Variants in ACOX1 observed in about 807,000 individuals in gnomAD.
ACOX1 encodes peroxisomal acyl-coenzyme A oxidase 1.
Under a neutral mutation model 75.5 loss-of-function variants are expected in ACOX1, and 41 were observed. The observed-to-expected ratio is 0.54, with a 90% confidence interval of 0.42 to 0.70. The LOEUF (loss-of-function observed/expected upper bound fraction) is 0.70, where lower values mean the gene tolerates loss of function less well. Ranked by LOEUF, ACOX1 falls within the 30% of genes least tolerant of loss-of-function variation. The pLI is 0.00. For synonymous variants in ACOX1, 303 were observed against 298.8 expected (o/e 1.01, Z -0.15); for missense variants, 630 against 837.5 (o/e 0.75, Z 3.06).
In ACOX1 at chr17:75,947,710, A is replaced by G. The variant is rs895754580; in HGVS notation, c.1935+541T>C. 7.3e-3 allele frequency among the ~76,000 whole-genome samples: 969 copies of G among 132,652 alleles called. 11 individuals are homozygous for G. The highest frequency in any genetic ancestry group is 0.027 in the African/African-American group (933 of 34,216). The allele number at this position is 132,652 out of a possible 152,430, so 87.0% of individuals were successfully genotyped here. On this transcript the variant is annotated intron_variant, in intron 13 of 13. Coordinates refer to ENST00000293217, the MANE Select transcript of ACOX1 (RefSeq NM_004035.7). ...TTTGTGTGTGTGTGTGTGTGTGTATACTTTTTTTTTTTTTTTGAGACAGAG... is the reference window on the plus strand; with the variant it reads ...TTTGTGTGTGTGTGTGTGTGTGTATGCTTTTTTTTTTTTTTTGAGACAGAG...
chr17:75,957,276 T>A, intron 4 of ACOX1, 183 bp downstream of exon 4: 1 of 616,122 alleles, frequency 1.6e-6, no homozygotes, highest in South Asian at 1.7e-5. Flanking sequence ...AGATGGGGTT[T>A]CAGCATATTA....
Position 75,949,251 on chromosome 17 carries a change from T to C in ACOX1, c.1694A>G (p.Tyr565Cys). The C allele has an allele frequency of 6.2e-7, 1 of 1,614,230 alleles. No homozygotes were observed. Among genetic ancestry groups the C allele is most frequent in the Non-Finnish European group, 8.5e-7 (1 of 1,180,036 alleles). Reference sequence around the variant, plus strand: ...ATCCCCCGCGTTCTGACTGATTCCATACAGAGAATACAGCAGACATAAACT... The same window carrying C: ...ATCCCCCGCGTTCTGACTGATTCCACACAGAGAATACAGCAGACATAAACT... ...LRSLCLLYSL[Y>C]GISQNAGDFL... The change falls in exon 12 of 14, where the codon TAT becomes TGT. Residue 565 changes from tyrosine (Y) to cysteine (C), a missense_variant. Tyr to Cys is a radical substitution (Grantham distance 194). Around this residue, in one of 2 missense-constraint regions of ACOX1, gnomAD observed 240 missense variants for 262.7 expected, o/e 0.91. Coordinates refer to ENST00000293217, the MANE Select transcript of ACOX1 (RefSeq NM_004035.7).
In ACOX1 at chr17:75,978,785, A is replaced by G; in HGVS notation, c.110-92T>C. On this transcript the variant is annotated intron_variant, in intron 1 of 13. Transcript: ENST00000293217. The surrounding 1 kb of genome is among the most constrained non-coding windows in gnomAD (Gnocchi z 4.2). Reference sequence around the variant, plus strand: ...ATCACAATAGGCTTCAGAGTCGCGGACACACCTGGGGAATGGCGATATCCC... The same window carrying G: ...ATCACAATAGGCTTCAGAGTCGCGGGCACACCTGGGGAATGGCGATATCCC... The G allele has an allele frequency of 6.2e-7, 1 of 1,608,740 alleles. No individual in the cohort carries two copies. The highest frequency in any genetic ancestry group is 8.5e-7 in the Non-Finnish European group (1 of 1,179,710).
chr17:75,967,463 T>C (rs2040518898), intron 2 of ACOX1, among the ~76,000 whole-genome samples: 2 of 149,274 alleles, frequency 1.3e-5, no homozygotes, highest in Admixed American at 6.7e-5. Context: ...AGGAAGACTA[T>C]GTCTCAAAAA....
Position 75,957,297 on chromosome 17 carries a change from T to C in ACOX1, c.538+162A>G. 4.7e-5 allele frequency: 32 copies of C among 681,818 alleles called. No individual in the cohort carries two copies. The South Asian group carries it at 4.8e-4, about 10-fold the overall frequency. The allele number at this position is 681,818 out of a possible 1,614,324, so 42.2% of individuals were successfully genotyped here. On this transcript the variant is annotated intron_variant, in intron 4 of 13. Transcript: ENST00000293217. ...GGTTTCAGCATATTAACCAGGCTGG[T>C]CTTGAATTCCTGACCTCAAGTGATC...
At chr17:75,959,605 TG>T (rs1179944366) in intron 3 of ACOX1, among the ~76,000 whole-genome samples, 10 of 151,676 alleles carry the variant, frequency 6.6e-5, no homozygotes, top group African/African-American at 1.9e-4. Flanking sequence ...AGAAAGCAGG[TG>T]GGGGGTGGAA....
chr17:75,956,930 T>C (rs1267884323), intron 4 of ACOX1, among the ~76,000 whole-genome samples: 4 of 29,398 alleles, frequency 1.4e-4, no homozygotes, highest in African/African-American at 3.2e-4. Flanking sequence ...TCTCTCTCTC[T>C]CTCTCTCTCT....
intron 2 of ACOX1, among the ~76,000 whole-genome samples, chr17:75,973,951 G>C (rs1318895977): frequency 6.6e-6 from 1 of 152,142 alleles, no homozygotes; most frequent in Non-Finnish European, 1.5e-5. Flanking sequence ...TAAAAAGCCA[G>C]CAGCAGAACC....
At chr17:75,970,290 T>C (rs1263130445) in intron 2 of ACOX1, among the ~76,000 whole-genome samples, 2 of 151,782 alleles carry the variant, frequency 1.3e-5, no homozygotes, top group South Asian at 2.1e-4. Flanking sequence ...TTGAAATGAT[T>C]ACATATCTGT....
intron 3 of ACOX1, among the ~76,000 whole-genome samples, chr17:75,959,375 G>A (rs2065868219): frequency 6.6e-6 from 1 of 152,110 alleles, no homozygotes; most frequent in South Asian, 2.1e-4. Flanking sequence ...ATTCCACTTG[G>A]AGTCTCATGA....
chr17:75,950,633 A>T lies in ACOX1; in HGVS notation c.1298+141T>A. 1 of 859,192 alleles carries T rather than the reference A, an allele frequency of 1.2e-6. No individual in the cohort carries two copies. The highest frequency in any genetic ancestry group is 1.8e-6 in the Non-Finnish European group (1 of 546,316). 53.2% of individuals were successfully genotyped at this position (859,192 alleles called of 1,614,324 possible). A position where few individuals can be genotyped will look rare whatever the true frequency, so the allele number is the denominator to read the frequency against. On this transcript the variant is annotated intron_variant, in intron 9 of 13. Transcript: ENST00000293217. The surrounding 1 kb of genome is among the most constrained non-coding windows in gnomAD (Gnocchi z 4.3). Reference sequence around the variant, plus strand: ...GCCTCACCACGAAATAAAAACCGTGAGTCAGGATGGAAGGCAAAAGTATAC... The same window carrying T: ...GCCTCACCACGAAATAAAAACCGTGTGTCAGGATGGAAGGCAAAAGTATAC...
chr17:75,971,572 TC>T (rs1048811760), intron 2 of ACOX1, among the ~76,000 whole-genome samples: 5 of 151,150 alleles, frequency 3.3e-5, no homozygotes, highest in South Asian at 4.2e-4. Flanking sequence ...CCAAACCCCA[TC>T]TCTACTAAAA....
intron 7 of ACOX1, among the ~76,000 whole-genome samples, chr17:75,952,036 T>G (rs1333296802): frequency 6.6e-6 from 1 of 152,076 alleles, no homozygotes; most frequent in Non-Finnish European, 1.5e-5. Flanking sequence ...GCTGACAGAA[T>G]TTTCTGGCTG....
intron 2 of ACOX1, among the ~76,000 whole-genome samples, chr17:75,964,919 T>C (rs532342949): frequency 4.6e-5 from 7 of 152,026 alleles, no homozygotes; most frequent in East Asian, 1.9e-4. Context: ...ACTAATCATA[T>C]ATGAGAAAGG....
chr17:75,972,178 ATTAGCCGGGCGTGGTGGCGGGCACCT>A (rs1053432744), intron 2 of ACOX1, among the ~76,000 whole-genome samples: 21 of 151,988 alleles, frequency 1.4e-4, no homozygotes, highest in African/African-American at 4.4e-4. Context: ...AATACAAAAA[ATTAGCCGGGCGTGGTGGCGGGCACCT>A]GTAGTCCCAG....
intron 2 of ACOX1, among the ~76,000 whole-genome samples, chr17:75,968,601 G>A (rs565462920): frequency 1.7e-4 from 15 of 88,626 alleles, no homozygotes; most frequent in East Asian, 1.7e-3. Flanking sequence ...GCGAGACTCC[G>A]CCTGAAAAAA....
At chr17:75,947,028 C>T (rs2065726836) in intron 13 of ACOX1, among the ~76,000 whole-genome samples, 1 of 151,886 alleles carries the variant, frequency 6.6e-6, no homozygotes, top group Admixed American at 6.6e-5. Context: ...GCCATGACAC[C>T]TGGCTGCTAT....
intron 9 of ACOX1, 94 bp from the exon 10 acceptor site, chr17:75,949,991 G>A (rs2065759702): frequency 7.3e-7 from 1 of 1,376,008 alleles, no homozygotes; most frequent in Admixed American, 1.9e-5. Context: ...GCTGGATGGA[G>A]TGCAATGGCC....
At chr17:75,975,161 CTTTTT>C (rs915668566) in intron 2 of ACOX1, among the ~76,000 whole-genome samples, 1 of 148,122 alleles carries the variant, frequency 6.8e-6, no homozygotes, top group East Asian at 2.0e-4. Context: ...CCCGCCATTT[CTTTTT>C]TTTTCTTTTT....
Sources: allele counts gnomAD v4.1 joint callset (sites outside exome capture counted in the v4.1 genomes callset), GRCh38; gene constraint gnomAD v4.1.1; regional missense constraint gnomAD v4.1.1; non-coding constraint Gnocchi (gnomAD v3.1); transcripts MANE v1.5; gene names NCBI Gene and HGNC (gene_info 2026-07-23, HGNC 2026-07-21).